EIF2AK2: variants seen among roughly 807,000 people sequenced by gnomAD.
EIF2AK2 encodes interferon-induced, double-stranded RNA-activated protein kinase.
In EIF2AK2, 40 loss-of-function variants were observed where a neutral mutation model predicts 70.5. The ratio of observed to expected loss-of-function variants is 0.57; its 90% CI spans 0.44 to 0.74. The LOEUF is 0.74. EIF2AK2 is among the 30% of genes least tolerant of loss of function. The probability of loss-of-function intolerance (pLI) is 0.00; values close to 1 mark genes in which losing one functional copy is unlikely to be tolerated. For missense variants in EIF2AK2, 555 were observed against 644.3 expected (o/e 0.86, Z 1.50); for synonymous variants, 198 against 220.9 (o/e 0.90, Z 0.92).
At chr2:37,149,360 C>CTGTA in intron 1 of EIF2AK2, 1 of 611,808 alleles carries the variant, frequency 1.6e-6, no homozygotes, top group South Asian at 2.0e-5. Flanking sequence ...AATTCGGTTA[C>CTGTA]TCTAAGATAC....
intron 4 of EIF2AK2, among the ~76,000 whole-genome samples, chr2:37,145,121 G>A (rs1210554913): frequency 7.2e-6 from 1 of 139,346 alleles, no homozygotes; most frequent in East Asian, 2.2e-4. Flanking sequence ...CATACTATGT[G>A]TTTGTTTGTG....
At chr2:37,114,924 T>C in intron 13 of EIF2AK2, 65 bp from the exon 14 acceptor site, 2 of 1,140,014 alleles carry the variant, frequency 1.8e-6, no homozygotes, top group Non-Finnish European at 2.4e-6. Flanking sequence ...ATGTCTTAAT[T>C]ATATACAGAA....
rs1675640075 is a variant in EIF2AK2, at chr2:37,148,655, C to G, written c.-17+202G>C. Reference sequence around the variant, plus strand: ...ATCAAATGACATGCTTTTACTTCAACTTAGAACTGGAAGGACACTTTCTAG... The same window carrying G: ...ATCAAATGACATGCTTTTACTTCAAGTTAGAACTGGAAGGACACTTTCTAG... On this transcript the variant is annotated intron_variant, in intron 2 of 16. Coordinates refer to ENST00000233057, the MANE Select transcript of EIF2AK2 (RefSeq NM_001135651.3). 7.3e-6 allele frequency: 6 copies of G among 825,518 alleles called. No homozygotes were observed. The East Asian group carries it at 1.5e-4, about 21-fold the overall frequency. The allele number at this position is 825,518 out of a possible 1,614,324, so 51.1% of individuals were successfully genotyped here. A position where few individuals can be genotyped will look rare whatever the true frequency, so the allele number is the denominator to read the frequency against.
Position 37,109,269 on chromosome 2 carries a change from T to A in EIF2AK2, c.1404A>T (p.Glu468Asp). Reference protein sequence around the residue: ...EQISSQDYGKEVDLYALGLIL... With the variant: ...EQISSQDYGKDVDLYALGLIL... ...TTAGCCCCAAAGCGTAGAGGTCCAC[T>A]TCCTTTCCATAGTCTTGCGAAGAAA... Residue 468 changes from glutamate (E) to aspartate (D), a missense_variant, in exon 15 of 17, where the codon GAA becomes GAT. By Grantham distance (45) the Glu-to-Asp change is conservative. This residue lies in a region of EIF2AK2 where 299 missense variants were observed against 375.4 expected (regional missense o/e 0.80). Coordinates refer to ENST00000233057, the MANE Select transcript of EIF2AK2 (RefSeq NM_001135651.3). The A allele has an allele frequency of 6.2e-7, 1 of 1,614,156 alleles. No individual in the cohort carries two copies. The highest frequency in any genetic ancestry group is 8.5e-7 in the Non-Finnish European group (1 of 1,179,992).
chr2:37,141,196 G>T (rs1675317835), intron 5 of EIF2AK2, among the ~76,000 whole-genome samples: 1 of 152,154 alleles, frequency 6.6e-6, no homozygotes, highest in South Asian at 2.1e-4. Flanking sequence ...TATACATGTG[G>T]CAGAGAGGTT....
At chr2:37,118,400 T>A (rs1674420935) in intron 13 of EIF2AK2, among the ~76,000 whole-genome samples, 1 of 152,052 alleles carries the variant, frequency 6.6e-6, no homozygotes, top group Non-Finnish European at 1.5e-5. Flanking sequence ...TCTCTGCAAA[T>A]AGACACAAGA....
At position 37,122,580 on chromosome 2, in the gene EIF2AK2, A is replaced by G. The variant is rs1674595160; in HGVS notation, c.993T>C (p.Asp331=). Residue 331 remains aspartate (D), a synonymous_variant, in exon 12 of 17, where the codon GAT becomes GAC. Transcript: ENST00000233057. ...VHYNGCWDGF[D]YDPETSDDSL... ...AATCATCACTGGTCTCAGGATCATA[A>G]TCAAATCCATCCCAACAGCCATTGT... 1 of 1,614,208 alleles carries G rather than the reference A, an allele frequency of 6.2e-7. No individual in the cohort carries two copies. The highest frequency in any genetic ancestry group is 8.5e-7 in the Non-Finnish European group (1 of 1,180,040).
intron 14 of EIF2AK2, 72 bp downstream of exon 14, chr2:37,114,659 G>A: frequency 7.5e-7 from 1 of 1,337,920 alleles, no homozygotes; most frequent in Non-Finnish European, 9.8e-7. Flanking sequence ...AATTATATAA[G>A]TAGTGTCTAC....
intron 15 of EIF2AK2, among the ~76,000 whole-genome samples, 187 bp from the exon 16 acceptor site, chr2:37,107,714 T>C (rs958953692): frequency 5.3e-5 from 8 of 152,210 alleles, no homozygotes; most frequent in Non-Finnish European, 1.2e-4. Flanking sequence ...ATCCTTGCAT[T>C]ACGACATGAA....
intron 4 of EIF2AK2, among the ~76,000 whole-genome samples, chr2:37,145,477 G>T (rs57628934): frequency 0.016 from 2,481 of 152,214 alleles, 58 homozygotes; most frequent in African/African-American, 0.057. Context: ...TATTTGGAAA[G>T]AGTGAAAATG....
chr2:37,121,039 G>T (rs1441467956), intron 12 of EIF2AK2, among the ~76,000 whole-genome samples: 1 of 149,046 alleles, frequency 6.7e-6, no homozygotes, highest in African/African-American at 2.4e-5. Flanking sequence ...CGAGGCGGGT[G>T]GATCACGAGG....
chr2:37,152,893 C>T (rs1675795991), intron 1 of EIF2AK2, among the ~76,000 whole-genome samples: 1 of 152,176 alleles, frequency 6.6e-6, no homozygotes, highest in African/African-American at 2.4e-5. Flanking sequence ...ATGAGTCCAC[C>T]ATCTATCCAA....
chr2:37,138,015 C>G (rs1251809926), intron 8 of EIF2AK2, among the ~76,000 whole-genome samples: 1 of 149,700 alleles, frequency 6.7e-6, no homozygotes, highest in Non-Finnish European at 1.5e-5. Flanking sequence ...GAGGCTGAGG[C>G]AGGAGAATCG....
rs1225252918 is a variant in EIF2AK2 at position 37,109,313 on chromosome 2, G to T, written c.1378-18C>A. 9 of 1,605,062 alleles carry T rather than the reference G, an allele frequency of 5.6e-6. No homozygotes were observed. The highest frequency in any genetic ancestry group is 7.7e-6 in the Non-Finnish European group (9 of 1,173,698). On this transcript the variant is annotated intron_variant, in intron 14 of 16. Coordinates refer to ENST00000233057, the MANE Select transcript of EIF2AK2 (RefSeq NM_001135651.3). ...GAAGAAATCTAAAGAGACCAAAATA[G>T]ATTTACCTTTGTTATGCTCCTTACA...
chr2:37,126,774 T>C (rs1674743914), intron 10 of EIF2AK2, among the ~76,000 whole-genome samples: 1 of 151,718 alleles, frequency 6.6e-6, no homozygotes, highest in Non-Finnish European at 1.5e-5. Context: ...CTGGCCAACA[T>C]GGTGAAACCC....
rs1251339698 is a variant in EIF2AK2, at chr2:37,147,755, G to A, written c.52C>T (p.Arg18Cys). ...GFFMEELNTY[R>C]QKQGVVLKYQ... ...TTAAGTACTACTCCCTGCTTCTGAC[G>A]GTATGTATTAAGTTCCTCCATGAAG... Residue 18 changes from arginine to cysteine, a missense_variant, in exon 3 of 17, where the codon CGT becomes TGT. Physicochemically the swap from Arg to Cys is radical, Grantham distance 180 (BLOSUM62 -3). Around this residue, in one of 3 missense-constraint regions of EIF2AK2, gnomAD observed 48 missense variants for 77.1 expected, o/e 0.62. Transcript: ENST00000233057. 2 of 1,613,366 alleles carry A rather than the reference G, an allele frequency of 1.2e-6. No individual in the cohort carries two copies. The highest frequency in any genetic ancestry group is 8.5e-7 in the Non-Finnish European group (1 of 1,179,712).
At chr2:37,156,023 G>A (rs4670666) in intron 1 of EIF2AK2, among the ~76,000 whole-genome samples, 33,020 of 151,972 alleles carry the variant, frequency 0.22, 3,858 homozygotes, top group Admixed American at 0.35. Flanking sequence ...GTGGAAGGGG[G>A]AACAGCAAGG....
chr2:37,113,254 G>C (rs983626809), intron 14 of EIF2AK2, among the ~76,000 whole-genome samples: 8 of 152,112 alleles, frequency 5.3e-5, no homozygotes, highest in Non-Finnish European at 1.2e-4. Context: ...CCAGCACTTT[G>C]GGAGGCCAAG....
At chr2:37,138,801 G>C (rs780959738) in intron 6 of EIF2AK2, among the ~76,000 whole-genome samples, 51 of 151,990 alleles carry the variant, frequency 3.4e-4, no homozygotes, top group South Asian at 1.7e-3. Context: ...TATTTTGTTT[G>C]TTTCTTTCTT....
Sources: allele counts gnomAD v4.1 joint callset (sites outside exome capture counted in the v4.1 genomes callset), GRCh38; gene constraint gnomAD v4.1.1; regional missense constraint gnomAD v4.1.1; transcripts MANE v1.5; gene names NCBI Gene and HGNC (gene_info 2026-07-23, HGNC 2026-07-21).